EXOC4: variants seen among roughly 807,000 people sequenced by gnomAD.
The protein encoded by EXOC4 is exocyst complex component 4.
A neutral mutation model predicts 107.2 loss-of-function variants in EXOC4; 71 were observed. The ratio of observed to expected loss-of-function variants is 0.66; its 90% confidence interval spans 0.55 to 0.81. EXOC4 has a LOEUF of 0.81. Ranked by LOEUF, EXOC4 falls within the 30% of genes least tolerant of loss-of-function variation. EXOC4 has a pLI of 0.00. For missense variants in EXOC4, 1,108 were observed against 1,189.6 expected (o/e 0.93, Z 1.01); for synonymous variants, 456 against 441.2 (o/e 1.03, Z -0.42).
At chr7:133,357,100 A>G (rs888859776) in intron 6 of EXOC4, among the ~76,000 whole-genome samples, 6 of 152,250 alleles carry the variant, frequency 3.9e-5, no homozygotes, top group Non-Finnish European at 5.9e-5. Context: ...TTGTCACTCA[A>G]TGAAAAATAT....
At chr7:133,788,504 T>C (rs1796636616) in intron 10 of EXOC4, among the ~76,000 whole-genome samples, 1 of 152,096 alleles carries the variant, frequency 6.6e-6, no homozygotes, top group East Asian at 1.9e-4. Flanking sequence ...TCTCTCTTTT[T>C]TTTTGAGACA....
chr7:133,643,116 A>G (rs959888502), intron 10 of EXOC4, among the ~76,000 whole-genome samples: 1 of 152,178 alleles, frequency 6.6e-6, no homozygotes, highest in African/African-American at 2.4e-5. Context: ...CACAGGTGTT[A>G]TTTGATGTAT....
At chr7:133,403,419 T>C (rs1239603600) in intron 7 of EXOC4, among the ~76,000 whole-genome samples, 1 of 152,182 alleles carries the variant, frequency 6.6e-6, no homozygotes, top group Non-Finnish European at 1.5e-5. Context: ...TGGCGGGCCA[T>C]CATGTTTGAC....
chr7:133,787,617 C>G (rs1241245954), intron 10 of EXOC4, among the ~76,000 whole-genome samples: 2 of 151,642 alleles, frequency 1.3e-5, no homozygotes, highest in African/African-American at 4.8e-5. Flanking sequence ...TCAGTGTGGT[C>G]AAGTTCTGGC....
At chr7:133,924,295 T>C (rs931692639) in intron 13 of EXOC4, among the ~76,000 whole-genome samples, 5 of 152,374 alleles carry the variant, frequency 3.3e-5, no homozygotes, top group Admixed American at 6.5e-5. Context: ...TTTAAATGAC[T>C]AAATATCTTT....
At chr7:134,031,481 G>A (rs572606644) in intron 17 of EXOC4, among the ~76,000 whole-genome samples, 1 of 152,124 alleles carries the variant, frequency 6.6e-6, no homozygotes, top group African/African-American at 2.4e-5. Context: ...GGTAGTCTTG[G>A]TGATTTTAGT....
At chr7:133,719,122 C>T (rs563268749) in intron 10 of EXOC4, among the ~76,000 whole-genome samples, 57 of 152,250 alleles carry the variant, frequency 3.7e-4, no homozygotes, top group Middle Eastern at 6.8e-3. Context: ...ATGCTGTTCT[C>T]TCAGTAGTGA....
chr7:133,830,868 G>A (rs1317849349), intron 11 of EXOC4, among the ~76,000 whole-genome samples: 1 of 152,090 alleles, frequency 6.6e-6, no homozygotes, highest in African/African-American at 2.4e-5. Flanking sequence ...TGCTGTTCGG[G>A]ATACCACAAT....
At chr7:133,885,468 T>G (rs995003137) in intron 11 of EXOC4, among the ~76,000 whole-genome samples, 2 of 152,144 alleles carry the variant, frequency 1.3e-5, no homozygotes, top group Non-Finnish European at 2.9e-5. Flanking sequence ...AACAAATATT[T>G]ATTGAGCACC....
At position 133,845,404 on chromosome 7, in the gene EXOC4, C is replaced by G. The variant is rs115414644; in HGVS notation, c.1734+27860C>G. ...TATTATATATAATATACATATTATA[C>G]TATATTTTATATATATCTTATATAT... On this transcript the variant is annotated intron_variant, in intron 11 of 17. Transcript: ENST00000253861. 2.5e-3 allele frequency among the ~76,000 whole-genome samples: 355 copies of G among 144,542 alleles called. 5 individuals carry two copies. Among genetic ancestry groups the G allele is most frequent in the African/African-American group, 8.5e-3 (332 of 39,238 alleles). 94.8% of individuals were successfully genotyped at this position (144,542 alleles called of 152,430 possible). A position where few individuals can be genotyped will look rare whatever the true frequency, so the allele number is the denominator to read the frequency against.
chr7:133,714,722 G>A (rs1025797583), intron 10 of EXOC4, among the ~76,000 whole-genome samples: 1 of 152,134 alleles, frequency 6.6e-6, no homozygotes, highest in Non-Finnish European at 1.5e-5. Flanking sequence ...GAGGATGTGC[G>A]TAGGTTACAT....
At chr7:133,609,957 A>G (rs896024718) in intron 9 of EXOC4, among the ~76,000 whole-genome samples, 32 of 152,204 alleles carry the variant, frequency 2.1e-4, no homozygotes, top group African/African-American at 7.5e-4. Context: ...CTTTTTACCC[A>G]TAGGATGAGA....
At chr7:133,935,985 A>G (rs1800290681) in intron 13 of EXOC4, among the ~76,000 whole-genome samples, 1 of 152,196 alleles carries the variant, frequency 6.6e-6, no homozygotes, top group Non-Finnish European at 1.5e-5. Context: ...GCAGTGTCAC[A>G]CAACAAGCAA....
chr7:133,826,664 T>C (rs1195575789), intron 11 of EXOC4, among the ~76,000 whole-genome samples: 5 of 152,120 alleles, frequency 3.3e-5, no homozygotes, highest in Non-Finnish European at 7.4e-5. Context: ...AATCCAACAG[T>C]GTTAACAGGA....
intron 10 of EXOC4, among the ~76,000 whole-genome samples, chr7:133,733,926 G>A (rs1795383867): frequency 1.3e-5 from 2 of 152,132 alleles, no homozygotes; most frequent in African/African-American, 2.4e-5. Context: ...ACAAAAAGGT[G>A]GCTTGTGACA....
intron 17 of EXOC4, among the ~76,000 whole-genome samples, chr7:134,031,774 T>C (rs1416537151): frequency 6.6e-6 from 1 of 152,228 alleles, no homozygotes; most frequent in Non-Finnish European, 1.5e-5. Flanking sequence ...GACTCCATTA[T>C]AAACCCATGA....
Position 133,680,084 on chromosome 7 carries a change from C to A in EXOC4, c.1514+49943C>A, listed in dbSNP as rs191055772. Among the ~76,000 whole-genome samples the A allele has an allele frequency of 3.9e-5, 6 of 152,230 alleles. No homozygotes were observed. The East Asian group carries it at 1.2e-3, about 29-fold the overall frequency. ...TCCCTGCAAATTAGAGGCTAAAAATCTTTGTTTTACATCTGGAGAACAAAT... is the reference window on the plus strand; with the variant it reads ...TCCCTGCAAATTAGAGGCTAAAAATATTTGTTTTACATCTGGAGAACAAAT... On this transcript the variant is annotated intron_variant, in intron 10 of 17. Transcript: ENST00000253861.
chr7:133,466,272 A>G (rs1278606610), intron 7 of EXOC4, among the ~76,000 whole-genome samples: 2 of 152,020 alleles, frequency 1.3e-5, no homozygotes, highest in African/African-American at 2.4e-5. Context: ...AGGTCTTTTG[A>G]AAAGATCAAA....
intron 7 of EXOC4, among the ~76,000 whole-genome samples, chr7:133,387,396 C>T (rs753854243): frequency 7.2e-5 from 11 of 152,160 alleles, no homozygotes; most frequent in African/African-American, 1.7e-4. Flanking sequence ...AACTAGACAT[C>T]GGTGCTCTAA....
Sources: gnomAD v4.1 joint callset for allele counts (sites outside exome capture counted in the v4.1 genomes callset) on GRCh38, gnomAD v4.1.1 for gene constraint, MANE v1.5 for transcripts, NCBI Gene and HGNC (gene_info 2026-07-23, HGNC 2026-07-21) for gene names.